ATP8A2: variants seen among roughly 807,000 people sequenced by gnomAD.
ATP8A2 encodes the protein ATPase phospholipid transporting 8A2, also known as phospholipid-transporting ATPase IB.
ATP8A2 carries 100 observed loss-of-function variants against 165.6 expected under a neutral mutation model. The ratio of observed to expected loss-of-function variants is 0.60; its 90% CI spans 0.51 to 0.71. The LOEUF is 0.71. ATP8A2 is among the 30% of genes least tolerant of loss of function. The pLI is 0.00. For synonymous variants in ATP8A2, 543 were observed against 548.8 expected (o/e 0.99, Z 0.15); for missense variants, 1,227 against 1,479.5 (o/e 0.83, Z 2.80).
chr13:25,837,423 CCACACACACA>C (rs72194516), intron 29 of ATP8A2, 138 bp downstream of exon 29: 12,044 of 309,830 alleles, frequency 0.039, 92 homozygotes, highest in East Asian at 0.045. Flanking sequence ...CACCCCACCA[CCACACACACA>C]CACACACACA....
chr13:25,448,462 C>T lies in ATP8A2; in HGVS notation c.77-20515C>T, dbSNP rs533864431. On this transcript the variant is annotated intron_variant, in intron 1 of 36. Transcript: ENST00000381655. Reference sequence around the variant, plus strand: ...TAAATCACTCTGAATAAGCCTAGATCATTCTAATATTTAATCTGCCCAAAT... The same window carrying T: ...TAAATCACTCTGAATAAGCCTAGATTATTCTAATATTTAATCTGCCCAAAT... 2.0e-5 allele frequency among the ~76,000 whole-genome samples: 3 copies of T among 152,270 alleles called. No homozygotes were observed. In the South Asian group the frequency reaches 6.2e-4, roughly 32 times the overall value.
In ATP8A2 at chr13:25,472,221, C is replaced by T. The variant is rs541692746; in HGVS notation, c.221+3100C>T. Among the ~76,000 whole-genome samples the T allele has an allele frequency of 2.0e-5, 3 of 152,156 alleles. No individual in the cohort carries two copies. In the South Asian group the frequency reaches 6.2e-4, roughly 32 times the overall value. On this transcript the variant is annotated intron_variant, in intron 2 of 36. Coordinates refer to ENST00000381655, the MANE Select transcript of ATP8A2 (RefSeq NM_016529.6). ...CCAGCCTGGCCAACATGGCAAAACC[C>T]CATCTCTACCAAAAATACAAAAATT...
intron 1 of ATP8A2, among the ~76,000 whole-genome samples, chr13:25,452,972 G>A (rs1242591629): frequency 1.3e-5 from 2 of 151,692 alleles, no homozygotes; most frequent in Non-Finnish European, 2.9e-5. Flanking sequence ...GTGGGCGCCG[G>A]TAATTCCAGC....
intron 35 of ATP8A2, among the ~76,000 whole-genome samples, chr13:25,980,208 G>A (rs550826008): frequency 8.5e-5 from 13 of 152,232 alleles, no homozygotes; most frequent in Non-Finnish European, 1.5e-4. Flanking sequence ...CAGGTCTTAC[G>A]GCCTCCTCTC....
chr13:25,542,309 G>T (rs1038437436), intron 9 of ATP8A2, among the ~76,000 whole-genome samples: 1 of 151,702 alleles, frequency 6.6e-6, no homozygotes, highest in Admixed American at 6.6e-5. Context: ...GCATAAAATT[G>T]TCCAGAAAAG....
chr13:25,487,014 G>C (rs1406077443), intron 2 of ATP8A2, among the ~76,000 whole-genome samples: 2 of 152,160 alleles, frequency 1.3e-5, no homozygotes, highest in African/African-American at 4.8e-5. Flanking sequence ...CTGTGGTTGA[G>C]TTATGCAGAA....
At chr13:25,523,674 A>C (rs538618542) in intron 2 of ATP8A2, among the ~76,000 whole-genome samples, 98 of 152,092 alleles carry the variant, frequency 6.4e-4, no homozygotes, top group African/African-American at 2.3e-3. Context: ...AGTAGTCTCT[A>C]ATGATTTTTT....
At chr13:25,654,958 C>G (rs2041895307) in intron 24 of ATP8A2, among the ~76,000 whole-genome samples, 3 of 152,208 alleles carry the variant, frequency 2.0e-5, no homozygotes, top group African/African-American at 7.2e-5. Context: ...GTTATGTTAA[C>G]TGCCCAGTGT....
At chr13:25,731,065 G>A (rs1463172356) in intron 25 of ATP8A2, among the ~76,000 whole-genome samples, 2 of 149,326 alleles carry the variant, frequency 1.3e-5, no homozygotes, top group Non-Finnish European at 3.0e-5. Flanking sequence ...AAAAAAGAAG[G>A]AGAGGGGAGG....
At chr13:25,394,721 C>T (rs1213020344) in intron 1 of ATP8A2, among the ~76,000 whole-genome samples, 3 of 152,178 alleles carry the variant, frequency 2.0e-5, no homozygotes, top group African/African-American at 7.2e-5. Context: ...AAAAAAAAGG[C>T]TTACTGTCCT....
At position 25,372,162 on chromosome 13, in the gene ATP8A2, G is replaced by A. The variant is rs1490652191; in HGVS notation, c.-51G>A. On this transcript the variant is annotated 5_prime_UTR_variant, in exon 1 of 37. Coordinates refer to ENST00000381655, the MANE Select transcript of ATP8A2 (RefSeq NM_016529.6). This position sits in a 1 kb window ranked among gnomAD's most constrained non-coding sequence, Gnocchi z 4.8. ...CGGCGGCCCCTGCGCCCAGCCCTGC[G>A]CGTAGCCTCCGTCTCTCGCCCGGGG... 2.3e-6 allele frequency: 3 copies of A among 1,332,822 alleles called. No individual in the cohort carries two copies. The highest frequency in any genetic ancestry group is 3.1e-5 in the African/African-American group (2 of 65,508). The allele number at this position is 1,332,822 out of a possible 1,614,324, so 82.6% of individuals were successfully genotyped here.
intron 24 of ATP8A2, chr13:25,648,885 A>T (rs1338157904): frequency 2.5e-6 from 1 of 399,590 alleles, no homozygotes; most frequent in Non-Finnish European, 4.9e-6. Flanking sequence ...TGTTGGTTGA[A>T]TCCACAGATG....
At chr13:26,014,598 T>C (rs1183917572) in intron 36 of ATP8A2, among the ~76,000 whole-genome samples, 2 of 151,840 alleles carry the variant, frequency 1.3e-5, no homozygotes, top group African/African-American at 4.8e-5. Context: ...CAAATACAAA[T>C]GTCAAGCTTT....
intron 23 of ATP8A2, 75 bp from the exon 24 acceptor site, chr13:25,589,560 T>G: frequency 8.9e-7 from 1 of 1,126,764 alleles, no homozygotes; most frequent in East Asian, 2.4e-5. Context: ...GTGGCAGATA[T>G]AACCAAGGAG....
chr13:25,506,584 G>A (rs66531426), intron 2 of ATP8A2, among the ~76,000 whole-genome samples: 19,388 of 152,146 alleles, frequency 0.13, 1,439 homozygotes, highest in Non-Finnish European at 0.18. Context: ...CCAATGAGAC[G>A]GGAGCTGAGG....
intron 1 of ATP8A2, among the ~76,000 whole-genome samples, chr13:25,446,932 T>G (rs1387421478): frequency 6.6e-6 from 1 of 152,182 alleles, no homozygotes; most frequent in African/African-American, 2.4e-5. Context: ...CATGGCTCAC[T>G]GCACCGTTGA....
At chr13:25,443,536 T>C (rs951962111) in intron 1 of ATP8A2, among the ~76,000 whole-genome samples, 3 of 152,238 alleles carry the variant, frequency 2.0e-5, no homozygotes, top group African/African-American at 7.2e-5. Flanking sequence ...AATGATCAAA[T>C]AGAAATGCAA....
chr13:25,691,653 T>C (rs1030159047), intron 24 of ATP8A2, among the ~76,000 whole-genome samples: 1 of 152,204 alleles, frequency 6.6e-6, no homozygotes, highest in Non-Finnish European at 1.5e-5. Flanking sequence ...TGTCTTCCTT[T>C]GAATTATTAG....
chr13:25,650,384 T>G (rs1010625767), intron 24 of ATP8A2, among the ~76,000 whole-genome samples: 30 of 152,180 alleles, frequency 2.0e-4, no homozygotes, highest in Non-Finnish European at 8.8e-5. Flanking sequence ...TACATTAGTT[T>G]TGTGATCTAG....
Sources: allele counts gnomAD v4.1 joint callset (sites outside exome capture counted in the v4.1 genomes callset), GRCh38; gene constraint gnomAD v4.1.1; non-coding constraint Gnocchi (gnomAD v3.1); transcripts MANE v1.5; gene names NCBI Gene and HGNC (gene_info 2026-07-23, HGNC 2026-07-21).